CNTN6: variants seen among roughly 807,000 people sequenced by gnomAD.
CNTN6 encodes contactin 6.
A neutral mutation model predicts 122.8 loss-of-function variants in CNTN6; 137 were observed. The observed-to-expected ratio is 1.12, with a 90% confidence interval of 0.97 to 1.29. The LOEUF (loss-of-function observed/expected upper bound fraction) is 1.29, where lower values mean the gene tolerates loss of function less well. CNTN6 is among the 50% of genes most tolerant of loss of function. The pLI, the probability that CNTN6 is intolerant of heterozygous loss-of-function variation, is 0.00. For synonymous variants in CNTN6, 570 were observed against 426.0 expected (o/e 1.34, Z -4.16); for missense variants, 1,634 against 1,223.4 (o/e 1.34, Z -5.01).
intron 2 of CNTN6, among the ~76,000 whole-genome samples, chr3:1,186,389 T>A (rs1284205337): frequency 6.6e-6 from 1 of 152,024 alleles, no homozygotes; most frequent in African/African-American, 2.4e-5. Flanking sequence ...CATAATTACT[T>A]ATGAGAGAAA....
chr3:1,227,443 T>C (rs901074033), intron 3 of CNTN6, among the ~76,000 whole-genome samples: 1 of 152,230 alleles, frequency 6.6e-6, no homozygotes, highest in African/African-American at 2.4e-5. Flanking sequence ...CATTTTGACA[T>C]TCAATTTTGT....
At chr3:1,186,734 A>T (rs1254982524) in intron 2 of CNTN6, among the ~76,000 whole-genome samples, 1 of 152,018 alleles carries the variant, frequency 6.6e-6, no homozygotes, top group Non-Finnish European at 1.5e-5. Flanking sequence ...TACAGTGTGG[A>T]TGGAGCCCCT....
intron 2 of CNTN6, among the ~76,000 whole-genome samples, chr3:1,199,443 G>T (rs1266409698): frequency 6.6e-6 from 1 of 151,910 alleles, no homozygotes; most frequent in Non-Finnish European, 1.5e-5. Context: ...GCCCCCCAAA[G>T]TGCTGGAATT....
At chr3:1,355,809 A>G (rs1024996835) in intron 12 of CNTN6, among the ~76,000 whole-genome samples, 2 of 151,830 alleles carry the variant, frequency 1.3e-5, no homozygotes, top group Admixed American at 6.6e-5. Context: ...TTGTTGTTAG[A>G]TAACATGGAA....
intron 7 of CNTN6, among the ~76,000 whole-genome samples, chr3:1,310,655 C>T (rs1395187316): frequency 1.3e-5 from 2 of 152,070 alleles, no homozygotes; most frequent in Non-Finnish European, 2.9e-5. Flanking sequence ...ATTCTCTCTG[C>T]TTCCATTTTC....
At chr3:1,344,522 A>G (rs1171609594) in intron 11 of CNTN6, among the ~76,000 whole-genome samples, 2 of 152,204 alleles carry the variant, frequency 1.3e-5, no homozygotes, top group South Asian at 4.1e-4. Context: ...CTGGGAATCA[A>G]AGAAGGTTTT....
intron 4 of CNTN6, among the ~76,000 whole-genome samples, chr3:1,234,860 A>T (rs1376717730): frequency 6.6e-6 from 1 of 152,236 alleles, no homozygotes; most frequent in Admixed American, 6.5e-5. Flanking sequence ...ATGAAATAAC[A>T]GCATAACCAC....
At chr3:1,240,866 A>C (rs2094473895) in intron 4 of CNTN6, among the ~76,000 whole-genome samples, 1 of 152,036 alleles carries the variant, frequency 6.6e-6, no homozygotes, top group African/African-American at 2.4e-5. Context: ...CTGAAAAGAG[A>C]GTCAGTGAAG....
chr3:1,391,646 C>G (rs1694164093), intron 20 of CNTN6, among the ~76,000 whole-genome samples: 1 of 151,368 alleles, frequency 6.6e-6, no homozygotes, highest in African/African-American at 2.4e-5. Context: ...GATTGTATAT[C>G]TAGAAAACCC....
At chr3:1,303,371 G>A (rs563165650) in intron 7 of CNTN6, among the ~76,000 whole-genome samples, 1 of 152,158 alleles carries the variant, frequency 6.6e-6, no homozygotes, top group South Asian at 2.1e-4. Flanking sequence ...TCAGATTAAA[G>A]GAACTTCAAT....
At chr3:1,273,966 T>G (rs1691847330) in intron 4 of CNTN6, among the ~76,000 whole-genome samples, 1 of 152,206 alleles carries the variant, frequency 6.6e-6, no homozygotes, top group Non-Finnish European at 1.5e-5. Context: ...ACTGAGAGAA[T>G]TCAATCCAAA....
At chr3:1,245,292 TAACA>T (rs1559597235) in intron 4 of CNTN6, among the ~76,000 whole-genome samples, 1 of 10,858 alleles carries the variant, frequency 9.2e-5, no homozygotes, top group African/African-American at 5.0e-4. Context: ...CATATATATA[TAACA>T]TATATATATA....
At chr3:1,287,199 G>C (rs1355980973) in intron 5 of CNTN6, among the ~76,000 whole-genome samples, 1 of 152,130 alleles carries the variant, frequency 6.6e-6, no homozygotes, top group African/African-American at 2.4e-5. Context: ...CTTGAACTCA[G>C]CTCTGCACCA....
chr3:1,349,952 G>T (rs183588010), intron 11 of CNTN6, among the ~76,000 whole-genome samples: 2 of 151,750 alleles, frequency 1.3e-5, no homozygotes, highest in East Asian at 1.9e-4. Flanking sequence ...TCAACAGAGA[G>T]AACTTTTAAA....
At chr3:1,294,963 T>A (rs56965961) in intron 5 of CNTN6, among the ~76,000 whole-genome samples, 11,707 of 152,142 alleles carry the variant, frequency 0.077, 1,522 homozygotes, top group African/African-American at 0.27. Context: ...TAAAATTATG[T>A]AATAATCAGG....
chr3:1,260,864 T>C (rs530260089), intron 4 of CNTN6, among the ~76,000 whole-genome samples: 6 of 152,120 alleles, frequency 3.9e-5, no homozygotes, highest in Non-Finnish European at 8.8e-5. Flanking sequence ...TCCCCAGACA[T>C]GCTGAACTGT....
intron 12 of CNTN6, among the ~76,000 whole-genome samples, chr3:1,371,406 T>C (rs1170400274): frequency 6.6e-6 from 1 of 152,092 alleles, no homozygotes; most frequent in Non-Finnish European, 1.5e-5. Flanking sequence ...TTCAAAACAA[T>C]TTATTCTTGG....
chr3:1,322,863 T>C (rs1393090360), intron 8 of CNTN6, among the ~76,000 whole-genome samples: 1 of 151,690 alleles, frequency 6.6e-6, no homozygotes, highest in African/African-American at 2.4e-5. Context: ...TTAGCAAACC[T>C]AGCCAAGAAA....
chr3:1,294,539 G>C (rs1695875393), intron 5 of CNTN6, among the ~76,000 whole-genome samples: 1 of 152,102 alleles, frequency 6.6e-6, no homozygotes, highest in African/African-American at 2.4e-5. Context: ...TGATTAAACG[G>C]AACACAAGTT....
Sources: gnomAD v4.1 joint callset for allele counts (sites outside exome capture counted in the v4.1 genomes callset) on GRCh38, gnomAD v4.1.1 for gene constraint, MANE v1.5 for transcripts, NCBI Gene and HGNC (gene_info 2026-07-23, HGNC 2026-07-21) for gene names.